AKT3: variants seen among roughly 807,000 people sequenced by gnomAD.
AKT3 encodes the protein AKT serine/threonine kinase 3.
A neutral mutation model predicts 65.3 loss-of-function variants in AKT3; 15 were observed. That is an observed-to-expected ratio of 0.23 (90% CI 0.15 to 0.35). The LOEUF is 0.35. AKT3 is among the 10% of genes least tolerant of loss of function. AKT3 has a pLI of 1.00. For synonymous variants in AKT3, 206 were observed against 183.8 expected, an observed-to-expected ratio of 1.12 and a Z score of -0.98; for missense variants, 243 against 576.5, an observed-to-expected ratio of 0.42 and a Z score of 5.92.
intron 8 of AKT3, among the ~76,000 whole-genome samples, chr1:243,579,658 A>G (rs965476469): frequency 6.6e-6 from 1 of 152,240 alleles, no homozygotes; most frequent in Non-Finnish European, 1.5e-5. Context: ...TCTGTGCAAC[A>G]TATTAAATAG....
At chr1:243,498,905 G>A (rs1023885251), downstream of AKT3, among the ~76,000 whole-genome samples, 5 of 152,232 alleles carry the variant, frequency 3.3e-5, no homozygotes, top group African/African-American at 9.6e-5. Context: ...CGTAGAAACC[G>A]GGATTTGGAA....
downstream of AKT3, among the ~76,000 whole-genome samples, chr1:243,495,862 C>G (rs1031137554): frequency 5.3e-5 from 8 of 152,170 alleles, no homozygotes; most frequent in Admixed American, 6.5e-5. Context: ...ATCAAACTGG[C>G]TGCCCCTCAT....
At chr1:243,615,207 G>A in intron 6 of AKT3, 46 bp from the exon 7 acceptor site, 1 of 1,366,342 alleles carries the variant, frequency 7.3e-7, no homozygotes, top group Non-Finnish European at 1.0e-6. Context: ...TTTGAGCACT[G>A]ATAATAATAA....
Position 243,712,651 on chromosome 1 carries a change from T to C in AKT3, c.47-16935A>G, listed in dbSNP as rs141221045. 3.5e-3 allele frequency among the ~76,000 whole-genome samples: 533 copies of C among 152,266 alleles called. 2 individuals are homozygous for C. The highest frequency in any genetic ancestry group is 0.012 in the African/African-American group (515 of 41,570). ...TTTCTAGTTATTCCATTCATATTGA[T>C]TGGTTCTGAAATGTTACAAAAATTT... On this transcript the variant is annotated intron_variant, in intron 2 of 13. Transcript: ENST00000673466.
At chr1:243,553,052 AGGTAG>A in intron 10 of AKT3, 109 bp from the exon 11 acceptor site, 1 of 825,152 alleles carries the variant, frequency 1.2e-6, no homozygotes, top group Non-Finnish European at 1.8e-6. Context: ...TTCAAAGCCT[AGGTAG>A]TCTGAGATCT....
rs1669368852 is a variant in AKT3 at position 243,502,356 on chromosome 1, T to C, written c.*2893A>G. ...AGGGATGGGAAATGGAAAACAATAC[T>C]TGAATAATGCTATGTAATTAGTGTA... On this transcript the variant is annotated 3_prime_UTR_variant, in exon 14 of 14. Transcript: ENST00000673466. 1 of 232,962 alleles carries C rather than the reference T, an allele frequency of 4.3e-6. No homozygotes were observed. Among genetic ancestry groups the C allele is most frequent in the African/African-American group, 2.2e-5 (1 of 45,346 alleles). The allele number at this position is 232,962 out of a possible 1,614,324, so 14.4% of individuals were successfully genotyped here. A position where few individuals can be genotyped will look rare whatever the true frequency, so the allele number is the denominator to read the frequency against.
chr1:243,558,710 T>C (rs1383682659), intron 10 of AKT3, among the ~76,000 whole-genome samples: 1 of 152,068 alleles, frequency 6.6e-6, no homozygotes, highest in African/African-American at 2.4e-5. Context: ...TGCATTTCTC[T>C]AGGTTTCCAA....
chr1:243,563,624 G>A (rs1673952175), intron 10 of AKT3, 96 bp downstream of exon 10: 19 of 1,418,850 alleles, frequency 1.3e-5, no homozygotes, highest in South Asian at 4.8e-5. Flanking sequence ...ATAGATAAAA[G>A]TAGTAGATAC....
chr1:243,834,212 CAT>C (rs1042411829), intron 2 of AKT3, among the ~76,000 whole-genome samples: 11 of 152,162 alleles, frequency 7.2e-5, no homozygotes, highest in African/African-American at 2.6e-4. Context: ...CACATGTACA[CAT>C]ATGTTCATCA....
At chr1:243,592,199 G>T (rs909200971) in intron 8 of AKT3, among the ~76,000 whole-genome samples, 3 of 152,056 alleles carry the variant, frequency 2.0e-5, no homozygotes, top group African/African-American at 7.2e-5. Context: ...GCTGGGCTTG[G>T]TGGCAGGAGC....
At chr1:243,718,302 C>T (rs937856817) in intron 2 of AKT3, among the ~76,000 whole-genome samples, 1 of 152,142 alleles carries the variant, frequency 6.6e-6, no homozygotes. Flanking sequence ...TGTATGCATT[C>T]TCTGTATCGT....
At chr1:243,734,186 GTATT>G (rs1300596920) in intron 2 of AKT3, among the ~76,000 whole-genome samples, 1 of 152,076 alleles carries the variant, frequency 6.6e-6, no homozygotes, top group Non-Finnish European at 1.5e-5. Flanking sequence ...CATCAATAAA[GTATT>G]TATGAAGGAG....
intron 5 of AKT3, among the ~76,000 whole-genome samples, chr1:243,641,273 T>TAC (rs974876841): frequency 0.011 from 1,596 of 144,720 alleles, 21 homozygotes; most frequent in African/African-American, 0.037. Flanking sequence ...TATATATATA[T>TAC]ACACACACAC....
intron 4 of AKT3, among the ~76,000 whole-genome samples, chr1:243,656,455 G>C (rs1282148618): frequency 6.6e-6 from 1 of 152,104 alleles, no homozygotes; most frequent in Non-Finnish European, 1.5e-5. Flanking sequence ...AATGTTATGG[G>C]TAAAATGATA....
chr1:243,499,148 C>T (rs191702274), downstream of AKT3, among the ~76,000 whole-genome samples: 255 of 152,330 alleles, frequency 1.7e-3, 1 homozygote, highest in Middle Eastern at 0.02. Context: ...TCTCCCCCAA[C>T]CTGATCTGCA....
chr1:243,571,943 A>C (rs1045366901), intron 9 of AKT3, among the ~76,000 whole-genome samples: 4 of 152,208 alleles, frequency 2.6e-5, no homozygotes, highest in Non-Finnish European at 5.9e-5. Flanking sequence ...ATTTCAAACA[A>C]AACAGAATTT....
chr1:243,665,553 A>G (rs565790147), intron 3 of AKT3, among the ~76,000 whole-genome samples: 4 of 152,306 alleles, frequency 2.6e-5, no homozygotes, highest in South Asian at 2.1e-4. Flanking sequence ...ACATGAGCCT[A>G]AAGTATGGAT....
rs138556916 is a variant in AKT3, at chr1:243,790,459, G to C, written c.46+52666C>G. The stretch of plus-strand genomic sequence containing the variant: ...TCATCTCTCTTCATAGAATTAAAGA[G>C]AGTTAGGGCCTGCCTCTGGATTAGG... On this transcript the variant is annotated intron_variant, in intron 2 of 13. Transcript: ENST00000673466. 1.4e-3 allele frequency among the ~76,000 whole-genome samples: 212 copies of C among 152,294 alleles called. 1 individual carries two copies. Among genetic ancestry groups the C allele is most frequent in the African/African-American group, 4.9e-3 (205 of 41,562 alleles).
At chr1:243,528,936 C>G (rs1462007419) in intron 12 of AKT3, among the ~76,000 whole-genome samples, 3 of 152,132 alleles carry the variant, frequency 2.0e-5, no homozygotes, top group African/African-American at 7.2e-5. Context: ...TATAAGTGTT[C>G]CCATTTCTCA....
Sources: allele counts gnomAD v4.1 joint callset (sites outside exome capture counted in the v4.1 genomes callset), GRCh38; gene constraint gnomAD v4.1.1; transcripts MANE v1.5; gene names NCBI Gene and HGNC (gene_info 2026-07-23, HGNC 2026-07-21).